The following POLR3F variants were observed in gnomAD, a reference collection of about 807,000 sequenced individuals.
POLR3F encodes the protein DNA-directed RNA polymerase III subunit RPC6.
POLR3F carries 31 observed loss-of-function variants against 43.6 expected under a neutral mutation model. The ratio of observed to expected loss-of-function variants is 0.71; its 90% CI spans 0.53 to 0.96. The LOEUF (loss-of-function observed/expected upper bound fraction) is 0.96, where lower values mean the gene tolerates loss of function less well. Among genes scored for constraint, POLR3F ranks in the 40% least tolerant of loss-of-function variants. The pLI is 0.00. For missense variants in POLR3F, 316 were observed against 391.7 expected (o/e 0.81, Z 1.63); for synonymous variants, 114 against 132.5 (o/e 0.86, Z 0.96).
intron 5 of POLR3F, among the ~76,000 whole-genome samples, chr20:18,478,631 C>T (rs1444842581): frequency 5.3e-5 from 8 of 152,130 alleles, no homozygotes; most frequent in Non-Finnish European, 1.0e-4. Flanking sequence ...GACTTGAAAA[C>T]ATCAGTATGG....
At chr20:18,480,623 C>A in intron 7 of POLR3F, 114 bp downstream of exon 7, 1 of 675,686 alleles carries the variant, frequency 1.5e-6, no homozygotes, top group Non-Finnish European at 2.6e-6. Context: ...TAGCTACGAA[C>A]ATTCTGCAGA....
chr20:18,478,032 T>C (rs1019460815), intron 5 of POLR3F, among the ~76,000 whole-genome samples: 1 of 152,154 alleles, frequency 6.6e-6, no homozygotes, highest in Admixed American at 6.5e-5. Context: ...ATCATGCGGT[T>C]GGTCTTTCCA....
At position 18,478,415 on chromosome 20, in the gene POLR3F, A is replaced by G. The variant is rs150436821; in HGVS notation, c.430-1623A>G. 6.6e-5 allele frequency among the ~76,000 whole-genome samples: 10 copies of G among 152,060 alleles called. No individual in the cohort carries two copies. The East Asian group carries it at 1.9e-3, about 29-fold the overall frequency. On this transcript the variant is annotated intron_variant, in intron 5 of 8. Coordinates refer to ENST00000377603, the MANE Select transcript of POLR3F (RefSeq NM_006466.4). ...ATTTTTGTAGAGACAGGGTTTTACT[A>G]TGTTACCCAGGCCTGTCTTGAACTC...
At chr20:18,480,589 CA>C in intron 7 of POLR3F, 80 bp downstream of exon 7, 1 of 759,440 alleles carries the variant, frequency 1.3e-6, no homozygotes, top group African/African-American at 2.8e-5. Flanking sequence ...ATTTGACCCA[CA>C]TTGTTTTTTT....
chr20:18,469,252 C>T (rs1292530446), intron 2 of POLR3F, 191 bp downstream of exon 2: 11 of 564,134 alleles, frequency 1.9e-5, no homozygotes, highest in African/African-American at 5.7e-5. Context: ...AATTGGTGAA[C>T]GGAGTAAAGT....
At position 18,480,637 on chromosome 20, in the gene POLR3F, C is replaced by T. The variant is rs2148867357; in HGVS notation, c.681+128C>T. ...ATAGCTACGAACATTCTGCAGAATC[C>T]ACTTTGGGAAAATACTGTCCTGTAT... On this transcript the variant is annotated intron_variant, in intron 7 of 8. Coordinates refer to ENST00000377603, the MANE Select transcript of POLR3F (RefSeq NM_006466.4). The T allele has an allele frequency of 3.0e-6, 2 of 656,010 alleles. 1 individual carries two copies. The highest frequency in any genetic ancestry group is 5.4e-5 in the East Asian group (2 of 36,846). The allele number at this position is 656,010 out of a possible 1,614,324, so 40.6% of individuals were successfully genotyped here.
Position 18,483,527 on chromosome 20 carries a change from G to T in POLR3F, c.920G>T (p.Cys307Phe). The change falls in exon 9 of 9, where the codon TGT becomes TTT. Residue 307 changes from cysteine to phenylalanine, a missense_variant. Cys to Phe is a radical substitution (Grantham distance 205). This residue lies in a region of POLR3F where 85 missense variants were observed against 80.2 expected (regional missense o/e 1.06). Coordinates refer to ENST00000377603, the MANE Select transcript of POLR3F (RefSeq NM_006466.4). The part of the protein sequence containing the change: ...HEGGEISPSN[C>F]IYMTEWLEF Reference sequence around the variant, plus strand: ...GGTGGTGAGATTTCACCATCTAACTGTATTTACATGACAGAGTGGCTCGAA... The same window carrying T: ...GGTGGTGAGATTTCACCATCTAACTTTATTTACATGACAGAGTGGCTCGAA... The T allele has an allele frequency of 1.3e-6, 2 of 1,534,126 alleles. No individual in the cohort carries two copies.
At chr20:18,481,521 G>A in intron 7 of POLR3F, 98 bp from the exon 8 acceptor site, 1 of 813,172 alleles carries the variant, frequency 1.2e-6, no homozygotes, top group Non-Finnish European at 2.1e-6. Flanking sequence ...TTACAGGCGT[G>A]AGCCACTGCG....
At chr20:18,479,618 CAATGAAGTAT>C (rs1292292846) in intron 5 of POLR3F, among the ~76,000 whole-genome samples, 1 of 152,142 alleles carries the variant, frequency 6.6e-6, no homozygotes, top group African/African-American at 2.4e-5. Context: ...GTGGGAATAA[CAATGAAGTAT>C]CTGAATGTAA....
rs112696932 is a variant in POLR3F, at chr20:18,468,932, C to G, written c.63-12C>G. 1.1e-5 allele frequency: 14 copies of G among 1,228,546 alleles called. No individual in the cohort carries two copies. In the African/African-American group the frequency reaches 1.8e-4, roughly 16 times the overall value. 76.1% of individuals were successfully genotyped at this position (1,228,546 alleles called of 1,614,324 possible). On this transcript the variant is annotated splice_polypyrimidine_tract_variant and intron_variant, in intron 1 of 8. Coordinates refer to ENST00000377603, the MANE Select transcript of POLR3F (RefSeq NM_006466.4). ...TAACCATGAAGGATAACATTAATAC[C>G]TTTGTTTCTAGGATTATAGAATTAT...
rs1038842562 is a variant in POLR3F at position 18,480,140 on chromosome 20, G to C, written c.532G>C (p.Glu178Gln). Residue 178 changes from glutamate (E) to glutamine (Q), a missense_variant, in exon 6 of 9, where the codon GAG becomes CAG. Glu to Gln is a conservative substitution (Grantham distance 29). Coordinates refer to ENST00000377603, the MANE Select transcript of POLR3F (RefSeq NM_006466.4). ...CCAGGATTTTGAATCTGAATTTGTA[G>C]AGGTGCTTAACCAACAGTGTTTTAA... ...SDQDFESEFV[E>Q]VLNQQCFKFL... 6.2e-7 allele frequency: 1 copy of C among 1,612,834 alleles called. No homozygotes were observed. The highest frequency in any genetic ancestry group is 8.5e-7 in the Non-Finnish European group (1 of 1,178,958).
rs2059825274 is a variant in POLR3F, at chr20:18,484,105, A to G, written c.*547A>G. 4 of 398,434 alleles carry G rather than the reference A, an allele frequency of 1.0e-5. No homozygotes were observed. The South Asian group carries it at 5.1e-4, about 51-fold the overall frequency. 24.7% of individuals were successfully genotyped at this position (398,434 alleles called of 1,614,324 possible). ...AGAGTGGAACATGCCTTTTCCGCAC[A>G]ATATTAATTCCTTTTTGTATCAGAA... On this transcript the variant is annotated 3_prime_UTR_variant, in exon 9 of 9. Coordinates refer to ENST00000377603, the MANE Select transcript of POLR3F (RefSeq NM_006466.4).
intron 6 of POLR3F, 69 bp downstream of exon 6, chr20:18,480,250 C>T (rs866308706): frequency 7.1e-7 from 1 of 1,417,818 alleles, no homozygotes; most frequent in Non-Finnish European, 9.8e-7. Flanking sequence ...GGATTTTAAT[C>T]TATTTATCAT....
rs2059823524 is a variant in POLR3F, at chr20:18,483,840, T to C, written c.*282T>C. The C allele has an allele frequency of 2.5e-6, 1 of 395,526 alleles. No homozygotes were observed. The highest frequency in any genetic ancestry group is 4.4e-5 in the Admixed American group (1 of 22,766). The allele number at this position is 395,526 out of a possible 1,614,324, so 24.5% of individuals were successfully genotyped here. ...GGACCACATCTTTCAAGACTTCTGA[T>C]GGGTCAAGGAAAAAGATGCCAACAT... On this transcript the variant is annotated 3_prime_UTR_variant, in exon 9 of 9. Coordinates refer to ENST00000377603, the MANE Select transcript of POLR3F (RefSeq NM_006466.4).
rs776291868 is a variant in POLR3F, at chr20:18,481,773, C to A, written c.836C>A (p.Pro279His). Residue 279 changes from proline (P) to histidine (H), a missense_variant, in exon 8 of 9, where the codon CCC (proline) becomes CAC (histidine). Physicochemically the swap from Pro to His is moderately conservative, Grantham distance 77. This residue lies in a region of POLR3F where 85 missense variants were observed against 80.2 expected (regional missense o/e 1.06). Transcript: ENST00000377603. ...AGGGCAGTCAATCCAATCATCCCTC[C>A]CACAGGTTTGGTCCGGGCACCCTGT... ...LYRAVNPIIP[P>H]TGLVRAPCGL... The A allele has an allele frequency of 6.2e-7, 1 of 1,613,824 alleles. No homozygotes were observed. Among genetic ancestry groups the A allele is most frequent in the Non-Finnish European group, 8.5e-7 (1 of 1,179,762 alleles).
At chr20:18,476,976 A>C (rs1439157137) in intron 5 of POLR3F, among the ~76,000 whole-genome samples, 1 of 151,116 alleles carries the variant, frequency 6.6e-6, no homozygotes, top group African/African-American at 2.4e-5. Context: ...TGGGAGGCTG[A>C]GGCAGGAGAA....
intron 1 of POLR3F, 133 bp from the exon 2 acceptor site, chr20:18,468,811 C>T: frequency 1.6e-6 from 1 of 619,746 alleles, no homozygotes; most frequent in Non-Finnish European, 3.0e-6. Context: ...TGATCCAAAA[C>T]CATCACAGAA....
chr20:18,474,361 C>G (rs1841999764), intron 4 of POLR3F, among the ~76,000 whole-genome samples: 3 of 151,964 alleles, frequency 2.0e-5, no homozygotes, highest in Admixed American at 2.0e-4. Context: ...TTTTGTCCCA[C>G]TTGAGGATGG....
intron 8 of POLR3F, among the ~76,000 whole-genome samples, chr20:18,482,620 C>T (rs890590160): frequency 9.2e-5 from 14 of 152,146 alleles, no homozygotes; most frequent in African/African-American, 3.1e-4. Context: ...TGCCCCAGCA[C>T]TCCTCCTTCA....
Sources: gnomAD v4.1 joint callset for allele counts (sites outside exome capture counted in the v4.1 genomes callset) on GRCh38, gnomAD v4.1.1 for gene constraint, gnomAD v4.1.1 regional missense constraint, MANE v1.5 for transcripts, NCBI Gene and HGNC (gene_info 2026-07-23, HGNC 2026-07-21) for gene names.